Variants in RAD51 observed in about 807,000 individuals in gnomAD.
The protein encoded by RAD51 is DNA repair protein RAD51 homolog 1.
In RAD51, 14 loss-of-function variants were observed where a neutral mutation model predicts 41.5. The ratio of observed to expected loss-of-function variants is 0.34; its 90% CI spans 0.22 to 0.53. The LOEUF (loss-of-function observed/expected upper bound fraction) is 0.53. RAD51 is among the 20% of genes least tolerant of loss of function. The probability of loss-of-function intolerance (pLI) is 0.95; values close to 1 mark genes in which losing one functional copy is unlikely to be tolerated. For missense variants in RAD51, 234 were observed against 422.0 expected (o/e 0.55, Z 3.90); for synonymous variants, 136 against 148.6 (o/e 0.92, Z 0.62).
At chr15:40,698,443 C>G (rs1464270558) in intron 1 of RAD51, among the ~76,000 whole-genome samples, 1 of 152,112 alleles carries the variant, frequency 6.6e-6, no homozygotes, top group African/African-American at 2.4e-5. Flanking sequence ...GCCTCGGCCT[C>G]CCAAAGTGCT....
chr15:40,708,436 C>G (rs933145359), intron 4 of RAD51, among the ~76,000 whole-genome samples: 1 of 151,880 alleles, frequency 6.6e-6, no homozygotes, highest in Non-Finnish European at 1.5e-5. Context: ...CCATGTTGGC[C>G]AGGCTGGTCT....
rs57056143 is a variant in RAD51, at chr15:40,712,077, C to CAAA, written c.435+2975_435+2977dup. The stretch of plus-strand genomic sequence containing the variant: ...ACAGAGCAAGATTTTGTCTCCATCT[C>CAAA]AAAAAAAAAAAAAAAATTAAGATCC... On this transcript the variant is annotated intron_variant, in intron 5 of 9. Transcript: ENST00000267868. Among the ~76,000 whole-genome samples the CAAA allele has an allele frequency of 4.7e-4, 50 of 107,374 alleles. No individual in the cohort carries two copies. In the East Asian group the frequency reaches 9.0e-3, roughly 19 times the overall value. The allele number at this position is 107,374 out of a possible 152,430, so 70.4% of individuals were successfully genotyped here. A position where few individuals can be genotyped will look rare whatever the true frequency, so the allele number is the denominator to read the frequency against.
At chr15:40,720,465 A>G (rs368163102) in intron 6 of RAD51, among the ~76,000 whole-genome samples, 3 of 152,096 alleles carry the variant, frequency 2.0e-5, no homozygotes, top group South Asian at 2.1e-4. Context: ...ACATTCAGCA[A>G]TGTACCAAAG....
intron 9 of RAD51, among the ~76,000 whole-genome samples, chr15:40,730,744 G>A (rs568838904): frequency 8.8e-4 from 133 of 151,570 alleles, no homozygotes; most frequent in African/African-American, 3.1e-3. Flanking sequence ...GGATGGTCTC[G>A]ATCTCCTGAC....
chr15:40,723,646 G>A (rs1300239493), intron 6 of RAD51, among the ~76,000 whole-genome samples: 1 of 152,134 alleles, frequency 6.6e-6, no homozygotes, highest in Non-Finnish European at 1.5e-5. Context: ...GAAGAATTGT[G>A]GTTAGTGGCG....
At chr15:40,714,269 T>C (rs1282744847) in intron 5 of RAD51, among the ~76,000 whole-genome samples, 5 of 152,184 alleles carry the variant, frequency 3.3e-5, no homozygotes, top group Non-Finnish European at 4.4e-5. Flanking sequence ...TGAGCTCCAT[T>C]AGAAATTTGA....
chr15:40,730,347 C>T (rs1896803275), intron 9 of RAD51, among the ~76,000 whole-genome samples: 1 of 150,990 alleles, frequency 6.6e-6, no homozygotes, highest in South Asian at 2.1e-4. Context: ...TCTGTCTCTA[C>T]AAAAAAAAGT....
chr15:40,719,027 A>G (rs947505720), intron 6 of RAD51, 128 bp downstream of exon 6: 1 of 836,632 alleles, frequency 1.2e-6, no homozygotes, highest in East Asian at 2.6e-5. Flanking sequence ...GTGGTTCAAA[A>G]GAATGACTTC....
At chr15:40,713,034 C>G (rs1465101688) in intron 5 of RAD51, among the ~76,000 whole-genome samples, 1 of 151,226 alleles carries the variant, frequency 6.6e-6, no homozygotes, top group Non-Finnish European at 1.5e-5. Flanking sequence ...ATGACGGCCA[C>G]CACGTCCAGC....
chr15:40,722,911 GAA>G (rs1308814190), intron 6 of RAD51, among the ~76,000 whole-genome samples: 3 of 152,134 alleles, frequency 2.0e-5, no homozygotes, highest in Non-Finnish European at 4.4e-5. Flanking sequence ...TGAAGCAAGT[GAA>G]AAGATAACCC....
chr15:40,719,016 T>C (rs183875712), intron 6 of RAD51, 117 bp downstream of exon 6: 1 of 929,672 alleles, frequency 1.1e-6, no homozygotes, highest in Non-Finnish European at 1.7e-6. Flanking sequence ...AAGTTGTATG[T>C]GTGGTTCAAA....
Position 40,709,086 on chromosome 15 carries a change from G to A in RAD51, c.405G>A (p.Gln135=). The A allele has an allele frequency of 6.2e-7, 1 of 1,614,028 alleles. No individual in the cohort carries two copies. Residue 135 remains glutamine (Q), a synonymous_variant, in exon 5 of 10, where the codon CAG becomes CAA. Coordinates refer to ENST00000267868, the MANE Select transcript of RAD51 (RefSeq NM_002875.5). The part of the protein sequence containing the change: ...MFGEFRTGKT[Q]ICHTLAVTCQ... ...GAGAATTCCGAACTGGGAAGACCCA[G>A]ATCTGTCATACGCTAGCTGTCACCT...
intron 5 of RAD51, among the ~76,000 whole-genome samples, chr15:40,710,327 C>A (rs1297060407): frequency 7.1e-6 from 1 of 140,016 alleles, no homozygotes; most frequent in Non-Finnish European, 1.5e-5. Context: ...CATGGTGAAA[C>A]CCTGTCTCTA....
At chr15:40,696,733 T>G (rs961331166) in intron 1 of RAD51, among the ~76,000 whole-genome samples, 1 of 152,218 alleles carries the variant, frequency 6.6e-6, no homozygotes, top group Non-Finnish European at 1.5e-5. Flanking sequence ...ATCAGGAGTG[T>G]TGAGTGTTTC....
intron 5 of RAD51, 44 bp downstream of exon 5, chr15:40,709,160 T>A: frequency 6.7e-7 from 1 of 1,501,844 alleles, no homozygotes; most frequent in Admixed American, 1.7e-5. Flanking sequence ...CAAGCATTAC[T>A]TCATTCCTGC....
intron 3 of RAD51, among the ~76,000 whole-genome samples, chr15:40,703,950 T>G (rs1895160619): frequency 6.6e-6 from 1 of 152,094 alleles, no homozygotes; most frequent in South Asian, 2.1e-4. Context: ...GTCACTTACG[T>G]TGGAGTGCAG....
intron 4 of RAD51, among the ~76,000 whole-genome samples, chr15:40,707,586 C>T (rs1014651226): frequency 2.6e-5 from 4 of 152,130 alleles, no homozygotes; most frequent in African/African-American, 4.8e-5. Context: ...GGCTTACAGG[C>T]GTGAGCCATC....
chr15:40,702,988 T>C (rs924598472), intron 3 of RAD51, among the ~76,000 whole-genome samples: 6 of 152,186 alleles, frequency 3.9e-5, no homozygotes, highest in Non-Finnish European at 5.9e-5. Context: ...AGCCTGACCA[T>C]TTCTACCAGT....
At chr15:40,703,835 A>C (rs1039167107) in intron 3 of RAD51, among the ~76,000 whole-genome samples, 1 of 151,026 alleles carries the variant, frequency 6.6e-6, no homozygotes, top group Non-Finnish European at 1.5e-5. Context: ...TTCTACCCTA[A>C]CCTGTATTAT....
Sources: gnomAD v4.1 joint callset for allele counts (sites outside exome capture counted in the v4.1 genomes callset) on GRCh38, gnomAD v4.1.1 for gene constraint, MANE v1.5 for transcripts, NCBI Gene and HGNC (gene_info 2026-07-23, HGNC 2026-07-21) for gene names.